The following MB variants were observed in gnomAD, a reference collection of about 807,000 sequenced individuals.
The protein encoded by MB is nitrite reductase MB.
Under a neutral mutation model 14.5 loss-of-function variants are expected in MB, and 10 were observed. That is an observed-to-expected ratio of 0.69 (90% CI 0.43 to 1.17). The LOEUF (loss-of-function observed/expected upper bound fraction) is 1.17. Among genes scored for constraint, MB ranks in the 50% most tolerant of loss-of-function variants. MB has a pLI of 0.00. For synonymous variants in MB, 89 were observed against 78.6 expected (o/e 1.13, Z -0.70); for missense variants, 169 against 192.7 (o/e 0.88, Z 0.73).
intron 1 of MB, among the ~76,000 whole-genome samples, chr22:35,614,315 C>T (rs961043785): frequency 3.3e-5 from 5 of 152,158 alleles, no homozygotes; most frequent in South Asian, 2.1e-4. Context: ...GATTCTGGGC[C>T]GGGCTCATTG....
intron 1 of MB, 82 bp downstream of exon 1, chr22:35,617,081 C>A (rs904040452): frequency 1.9e-6 from 2 of 1,040,960 alleles, no homozygotes; most frequent in African/African-American, 1.6e-5. Context: ...ACCTACCCCA[C>A]GTGCAAACTT....
chr22:35,612,145 G>GCT (rs1922680175), intron 1 of MB, among the ~76,000 whole-genome samples: 2 of 152,154 alleles, frequency 1.3e-5, no homozygotes, highest in African/African-American at 4.8e-5. Flanking sequence ...TCTGCCCAGG[G>GCT]CTCTCTCTCC....
chr22:35,616,943 T>C, intron 1 of MB: 1 of 547,156 alleles, frequency 1.8e-6, no homozygotes, highest in South Asian at 2.4e-5. Context: ...TTGATTCTCA[T>C]GCTTCCTCCA....
chr22:35,617,456 C>A (rs541533944), upstream of MB: 4 of 588,440 alleles, frequency 6.8e-6, no homozygotes, highest in African/African-American at 5.6e-5. Flanking sequence ...AGGGTCTAAT[C>A]TTTTCCTTTC....
At chr22:35,609,650 A>T (rs1380752712) in intron 2 of MB, among the ~76,000 whole-genome samples, 1 of 152,204 alleles carries the variant, frequency 6.6e-6, no homozygotes, top group Non-Finnish European at 1.5e-5. Context: ...CAAGCTACTT[A>T]AACCCTCTGA....
At chr22:35,610,796 G>A in intron 2 of MB, 88 bp downstream of exon 2, 1 of 1,014,454 alleles carries the variant, frequency 9.9e-7, no homozygotes, top group Non-Finnish European at 1.5e-6. Flanking sequence ...CCACAAGTTA[G>A]TGGCTGAGCT....
At chr22:35,611,490 C>T (rs185105413) in intron 1 of MB, among the ~76,000 whole-genome samples, 5 of 152,158 alleles carry the variant, frequency 3.3e-5, no homozygotes, top group African/African-American at 1.2e-4. Context: ...GTCCACGCTG[C>T]GACCATCTCT....
Position 35,608,704 on chromosome 22 carries a change from C to G in MB, c.319-1261G>C, listed in dbSNP as rs1251038925. Reference sequence around the variant, plus strand: ...TTGAGAGAATCAAGTTCCAGGGCCACCTATGCCCCGACTCCATGTGTGACT... The same window carrying G: ...TTGAGAGAATCAAGTTCCAGGGCCAGCTATGCCCCGACTCCATGTGTGACT... On this transcript the variant is annotated intron_variant, in intron 2 of 2. Coordinates refer to ENST00000397326, the MANE Select transcript of MB (RefSeq NM_005368.3). The surrounding 1 kb of genome is among the most constrained non-coding windows in gnomAD (Gnocchi z 4.3). Among the ~76,000 whole-genome samples the G allele has an allele frequency of 6.6e-6, 1 of 152,216 alleles. No homozygotes were observed. The highest frequency in any genetic ancestry group is 1.9e-4 in the East Asian group (1 of 5,186).
chr22:35,607,456 T>G lies in MB; in HGVS notation c.319-13A>C, dbSNP rs1922240952. The G allele has an allele frequency of 6.2e-7, 1 of 1,610,494 alleles. No homozygotes were observed. The highest frequency in any genetic ancestry group is 1.3e-5 in the African/African-American group (1 of 74,608). On this transcript the variant is annotated splice_polypyrimidine_tract_variant and intron_variant, in intron 2 of 2. Transcript: ENST00000397326. ...ATTCCGAGATGAACTGCAGGGAGGG[T>G]GAGGAGAGAAAATGGTCACCAGGGT...
intron 2 of MB, among the ~76,000 whole-genome samples, chr22:35,607,986 AT>A (rs1922287770): frequency 6.6e-6 from 1 of 152,130 alleles, no homozygotes; most frequent in Non-Finnish European, 1.5e-5. Context: ...ACAGCCTCCT[AT>A]TTTTTATACC....
At chr22:35,616,659 C>T (rs45583742) in intron 1 of MB, among the ~76,000 whole-genome samples, 3,112 of 152,214 alleles carry the variant, frequency 0.02, 114 homozygotes, top group African/African-American at 0.07. Flanking sequence ...ATTGAGGCTC[C>T]GAGAGGTTGA....
intron 1 of MB, 48 bp from the exon 2 acceptor site, chr22:35,611,154 G>A (rs754959265): frequency 1.1e-5 from 15 of 1,384,930 alleles, no homozygotes; most frequent in Middle Eastern, 3.6e-4. Context: ...TGCGGTGTGA[G>A]GTCTGGGGGC....
chr22:35,610,801 T>G, intron 2 of MB, 83 bp downstream of exon 2: 4 of 1,083,432 alleles, frequency 3.7e-6, no homozygotes, highest in Non-Finnish European at 5.5e-6. Context: ...AGTTAGTGGC[T>G]GAGCTTGGAC....
chr22:35,608,094 C>A lies in MB; in HGVS notation c.319-651G>T, dbSNP rs1280902482. ...CAGGATGGAGAATGTCTGCTATCAGCCTCAGCATTGCCATTTGCTTTAGTA... is the reference window on the plus strand; with the variant it reads ...CAGGATGGAGAATGTCTGCTATCAGACTCAGCATTGCCATTTGCTTTAGTA... On this transcript the variant is annotated intron_variant, in intron 2 of 2. Coordinates refer to ENST00000397326, the MANE Select transcript of MB (RefSeq NM_005368.3). This position sits in a 1 kb window ranked among gnomAD's most constrained non-coding sequence, Gnocchi z 4.3. Among the ~76,000 whole-genome samples the A allele has an allele frequency of 1.3e-5, 2 of 152,170 alleles. No homozygotes were observed. The highest frequency in any genetic ancestry group is 2.4e-5 in the African/African-American group (1 of 41,426).
At chr22:35,607,511 G>T in intron 2 of MB, 68 bp from the exon 3 acceptor site, 1 of 1,483,490 alleles carries the variant, frequency 6.7e-7, no homozygotes, top group Non-Finnish European at 9.3e-7. Flanking sequence ...ATGGGAGTCA[G>T]TTGTCCTCCT....
At chr22:35,610,476 C>T (rs1922522905) in intron 2 of MB, among the ~76,000 whole-genome samples, 1 of 152,110 alleles carries the variant, frequency 6.6e-6, no homozygotes, top group African/African-American at 2.4e-5. Flanking sequence ...TAGAGACCTG[C>T]GTTTGAATCT....
intron 1 of MB, among the ~76,000 whole-genome samples, chr22:35,612,710 G>T (rs1320910550): frequency 6.6e-6 from 1 of 152,210 alleles, no homozygotes; most frequent in Non-Finnish European, 1.5e-5. Context: ...AACCCAGGCA[G>T]TCTGGCTTCA....
chr22:35,612,166 T>C (rs1922681535), intron 1 of MB, among the ~76,000 whole-genome samples: 1 of 152,126 alleles, frequency 6.6e-6, no homozygotes, highest in Admixed American at 6.5e-5. Flanking sequence ...TGTCTAATGG[T>C]TTCAGTTCCT....
chr22:35,617,501 G>C, upstream of MB: 1 of 536,868 alleles, frequency 1.9e-6, no homozygotes, highest in Non-Finnish European at 3.3e-6. Flanking sequence ...TTTAGGGCAG[G>C]TGCCATTGTG....
Sources: allele counts gnomAD v4.1 joint callset (sites outside exome capture counted in the v4.1 genomes callset), GRCh38; gene constraint gnomAD v4.1.1; non-coding constraint Gnocchi (gnomAD v3.1); transcripts MANE v1.5; gene names NCBI Gene and HGNC (gene_info 2026-07-23, HGNC 2026-07-21).